The following MAGEB6 variants were observed in gnomAD, a reference collection of about 807,000 sequenced individuals.
MAGEB6 encodes melanoma-associated antigen B6.
For missense variants in MAGEB6, 327 were observed against 329.7 expected, an observed-to-expected ratio of 0.99 and a Z score of 0.06; for synonymous variants, 128 against 136.2, an observed-to-expected ratio of 0.94 and a Z score of 0.42.
intron 1 of MAGEB6, among the ~76,000 whole-genome samples, chrX:26,193,126 C>T (rs900041360): frequency 1.8e-5 from 2 of 111,207 alleles, no homozygotes; most frequent in Non-Finnish European, 3.8e-5. Flanking sequence ...TTCCTTATTT[C>T]CTCCGGGTTA....
chrX:26,193,663 A>G (rs957587996), intron 1 of MAGEB6, 123 bp from the exon 2 acceptor site: 3 of 388,569 alleles, frequency 7.7e-6, no homozygotes, highest in African/African-American at 7.6e-5. Context: ...ACCAGGAGAA[A>G]AGGAGTCCTG....
chrX:26,194,123 A>C lies in MAGEB6; in HGVS notation c.277A>C (p.Ser93Arg). Residue 93 changes from serine (S) to arginine (R), a missense_variant, in exon 2 of 2, where the codon AGT becomes CGT. Ser to Arg is a moderately radical substitution (Grantham distance 110, BLOSUM62 -1). Coordinates refer to ENST00000379034, the MANE Select transcript of MAGEB6 (RefSeq NM_173523.2). ...DVAANGQDEKSPSTSRDASVP... is the reference protein window; with the variant it reads ...DVAANGQDEKRPSTSRDASVP... ...GGCTGCCAACGGCCAAGATGAGAAA[A>C]GTCCAAGCACCTCCCGTGATGCCTC... 2 of 1,196,581 alleles carry C rather than the reference A, an allele frequency of 1.7e-6. No homozygotes were observed. The highest frequency in any genetic ancestry group is 3.6e-5 in the South Asian group (2 of 55,633).
In MAGEB6 at chrX:26,194,093, G is replaced by C. The variant is rs776261244; in HGVS notation, c.247G>C (p.Asp83His). Residue 83 changes from aspartate to histidine, a missense_variant, in exon 2 of 2, where the codon GAT becomes CAT. Physicochemically the swap from Asp to His is moderately conservative, Grantham distance 81. Transcript: ENST00000379034. ...TGCAGTTGTTTCATATTCAAAATCC[G>C]ATGTGGCTGCCAACGGCCAAGATGA... is the stretch of plus-strand genomic sequence containing the variant. ...PDAVVSYSKS[D>H]VAANGQDEKS... The C allele has an allele frequency of 2.1e-5, 25 of 1,207,981 alleles. No homozygotes were observed. In the Admixed American group the frequency reaches 3.9e-4, roughly 19 times the overall value.
rs1381141563 is a variant in MAGEB6, at chrX:26,195,534, A to C, written c.*464A>C. 1 of 126,990 alleles carries C rather than the reference A, an allele frequency of 7.9e-6. No individual in the cohort carries two copies. The highest frequency in any genetic ancestry group is 9.2e-5 in the Admixed American group (1 of 10,856). 10.5% of individuals were successfully genotyped at this position (126,990 alleles called of 1,213,427 possible). On this transcript the variant is annotated 3_prime_UTR_variant, in exon 2 of 2. Coordinates refer to ENST00000379034, the MANE Select transcript of MAGEB6 (RefSeq NM_173523.2). ...TAAAATAGTTGACATCATAATATGA[A>C]GAGAAAGAAAAGGAAAAACAGAAAT...
chrX:26,194,502 C>T lies in MAGEB6; in HGVS notation c.656C>T (p.Ala219Val), dbSNP rs754193959. Reference protein sequence around the residue: ...KFEKKESILKADMLKCVRREY... With the variant: ...KFEKKESILKVDMLKCVRREY... ...GAGAAGAAAGAGTCCATTTTGAAGG[C>T]AGACATGCTGAAGTGTGTCCGCAGA... Residue 219 changes from alanine to valine, a missense_variant, in exon 2 of 2, where the codon GCA (alanine) becomes GTA (valine). Coordinates refer to ENST00000379034, the MANE Select transcript of MAGEB6 (RefSeq NM_173523.2). 8.3e-6 allele frequency: 10 copies of T among 1,211,987 alleles called. No individual in the cohort carries two copies. Among genetic ancestry groups the T allele is most frequent in the Non-Finnish European group, 1.1e-5 (10 of 895,563 alleles).
chrX:26,194,404 T>G lies in MAGEB6; in HGVS notation c.558T>G (p.Ile186Met). Residue 186 changes from isoleucine to methionine, a missense_variant, in exon 2 of 2, where the codon ATT becomes ATG. Coordinates refer to ENST00000379034, the MANE Select transcript of MAGEB6 (RefSeq NM_173523.2). ...TAAGCGCCTCACAGAAAGCCATCAT[T>G]TTTAAGCGCTTAAGCAAAGATGCTG... is the stretch of plus-strand genomic sequence containing the variant. ...ESVSASQKAIIFKRLSKDAVK... is the reference protein window; with the variant it reads ...ESVSASQKAIMFKRLSKDAVK... 8.3e-7 allele frequency: 1 copy of G among 1,211,876 alleles called. No individual in the cohort carries two copies. Among genetic ancestry groups the G allele is most frequent in the Non-Finnish European group, 1.1e-6 (1 of 895,549 alleles).
chrX:26,194,125 TCC>T lies in MAGEB6; in HGVS notation c.280_281del (p.Pro94LysfsTer5). On this transcript the variant is annotated frameshift_variant, in exon 2 of 2. Transcript: ENST00000379034. LOFTEE classifies it low-confidence loss of function (END_TRUNC). ...VAANGQDEKS[P>X]STSRDASVPQ... ...CTGCCAACGGCCAAGATGAGAAAAG[TCC>T]AAGCACCTCCCGTGATGCCTCCGTT... 2 of 1,185,241 alleles carry T rather than the reference TCC, an allele frequency of 1.7e-6. No homozygotes were observed. Among genetic ancestry groups the T allele is most frequent in the Non-Finnish European group, 1.1e-6 (1 of 876,092 alleles).
At position 26,194,112 on chromosome X, in the gene MAGEB6, AAG is replaced by A; in HGVS notation, c.268_269del (p.Asp90Ter). 3.3e-6 allele frequency: 4 copies of A among 1,202,332 alleles called. No homozygotes were observed. On this transcript the variant is annotated frameshift_variant, in exon 2 of 2. Transcript: ENST00000379034. LOFTEE classifies it low-confidence loss of function (END_TRUNC). ...AAATCCGATGTGGCTGCCAACGGCC[AAG>A]ATGAGAAAAGTCCAAGCACCTCCCG... is the stretch of plus-strand genomic sequence containing the variant.
At position 26,194,385 on chromosome X, in the gene MAGEB6, C is replaced by G; in HGVS notation, c.539C>G (p.Ala180Gly). The change falls in exon 2 of 2, where the codon GCC becomes GGC. Residue 180 changes from alanine to glycine, a missense_variant. Transcript: ENST00000379034. ...AEGEDEESVS[A>G]SQKAIIFKRL... ...GGTGAAGATGAGGAAAGTGTAAGCG[C>G]CTCACAGAAAGCCATCATTTTTAAG... 2 of 1,211,922 alleles carry G rather than the reference C, an allele frequency of 1.7e-6. No individual in the cohort carries two copies. Among genetic ancestry groups the G allele is most frequent in the East Asian group, 3.0e-5 (1 of 33,838 alleles).
intron 1 of MAGEB6, 68 bp downstream of exon 1, chrX:26,192,595 C>CGGCT (rs1569256025): frequency 9.0e-6 from 1 of 111,490 alleles, no homozygotes; most frequent in African/African-American, 3.3e-5. Context: ...CGAAGAAAGG[C>CGGCT]GGCTCCACAG....
In MAGEB6 at chrX:26,194,492, A is replaced by G. The variant is rs1319588735; in HGVS notation, c.646A>G (p.Ile216Val). 5.8e-6 allele frequency: 7 copies of G among 1,212,184 alleles called. No individual in the cohort carries two copies. The highest frequency in any genetic ancestry group is 7.8e-6 in the Non-Finnish European group (7 of 895,637). ...GAAGAAGTTTGAGAAGAAAGAGTCC[A>G]TTTTGAAGGCAGACATGCTGAAGTG... ...LQKKFEKKES[I>V]LKADMLKCVR... Residue 216 changes from isoleucine to valine, a missense_variant, in exon 2 of 2, where the codon ATT (isoleucine) becomes GTT (valine). Transcript: ENST00000379034.
rs375654499 is a variant in MAGEB6 at position 26,194,717 on chromosome X, C to A, written c.871C>A (p.Leu291Ile). ...ALPKSGLLMS[L>I]LVVIFMNGNC... The stretch of plus-strand genomic sequence containing the variant: ...GCCGAAGTCGGGTCTCCTGATGTCG[C>A]TCCTGGTTGTGATCTTCATGAACGG... Residue 291 changes from leucine to isoleucine, a missense_variant, in exon 2 of 2, where the codon CTC (leucine) becomes ATC (isoleucine). Transcript: ENST00000379034. 1.5e-4 allele frequency: 186 copies of A among 1,209,254 alleles called. 1 individual carries two copies. The highest frequency in any genetic ancestry group is 7.0e-4 in the African/African-American group (40 of 56,933).
Position 26,194,259 on chromosome X carries a change from C to T in MAGEB6, c.413C>T (p.Thr138Ile). 8.3e-7 allele frequency: 1 copy of T among 1,208,607 alleles called. No individual in the cohort carries two copies. The highest frequency in any genetic ancestry group is 1.1e-6 in the Non-Finnish European group (1 of 894,543). Reference sequence around the variant, plus strand: ...GGCCAAGATGAGAAAAGTCCAAGCACTTCCCATGATGTCTCCGTTCCTCAG... The same window carrying T: ...GGCCAAGATGAGAAAAGTCCAAGCATTTCCCATGATGTCTCCGTTCCTCAG... ...ANGQDEKSPS[T>I]SHDVSVPQES... Residue 138 changes from threonine (T) to isoleucine (I), a missense_variant, in exon 2 of 2, where the codon ACT becomes ATT. Coordinates refer to ENST00000379034, the MANE Select transcript of MAGEB6 (RefSeq NM_173523.2).
In MAGEB6 at chrX:26,195,290, T is replaced by A; in HGVS notation, c.*220T>A. ...CTTGCAGATTTATGTTTTATCTCTG[T>A]CAGTTATCAACATTGTTCCTGTTAA... is the stretch of plus-strand genomic sequence containing the variant. On this transcript the variant is annotated 3_prime_UTR_variant, in exon 2 of 2. Transcript: ENST00000379034. 5.1e-6 allele frequency: 2 copies of A among 390,140 alleles called. No individual in the cohort carries two copies. The highest frequency in any genetic ancestry group is 9.0e-6 in the Non-Finnish European group (2 of 223,358). 32.2% of individuals were successfully genotyped at this position (390,140 alleles called of 1,213,427 possible). A position where few individuals can be genotyped will look rare whatever the true frequency, so the allele number is the denominator to read the frequency against.
At chrX:26,193,239 C>T (rs188105283) in intron 1 of MAGEB6, among the ~76,000 whole-genome samples, 37 of 109,059 alleles carry the variant, frequency 3.4e-4, no homozygotes, top group Admixed American at 1.1e-3. Flanking sequence ...TACATGTGCA[C>T]AATGTGCAGG....
chrX:26,192,796 AG>A (rs1929128271), intron 1 of MAGEB6, among the ~76,000 whole-genome samples: 1 of 111,783 alleles, frequency 8.9e-6, no homozygotes. Context: ...CTTAGAATTG[AG>A]GGAGGGGATT....
chrX:26,194,378 G>A lies in MAGEB6; in HGVS notation c.532G>A (p.Val178Ile). Reference sequence around the variant, plus strand: ...TGCCGAGGGTGAAGATGAGGAAAGTGTAAGCGCCTCACAGAAAGCCATCAT... The same window carrying A: ...TGCCGAGGGTGAAGATGAGGAAAGTATAAGCGCCTCACAGAAAGCCATCAT... ...VAAEGEDEES[V>I]SASQKAIIFK... The change falls in exon 2 of 2, where the codon GTA becomes ATA. Residue 178 changes from valine (V) to isoleucine (I), a missense_variant. Coordinates refer to ENST00000379034, the MANE Select transcript of MAGEB6 (RefSeq NM_173523.2). The A allele has an allele frequency of 8.2e-7, 1 of 1,212,199 alleles. No homozygotes were observed. Among genetic ancestry groups the A allele is most frequent in the South Asian group, 1.8e-5 (1 of 57,012 alleles).
In MAGEB6 at chrX:26,195,015, T is replaced by C. The variant is rs1398244394; in HGVS notation, c.1169T>C (p.Leu390Pro). 8.3e-7 allele frequency: 1 copy of C among 1,211,436 alleles called. No homozygotes were observed. The highest frequency in any genetic ancestry group is 2.2e-5 in the Admixed American group (1 of 45,992). Residue 390 changes from leucine (L) to proline (P), a missense_variant, in exon 2 of 2, where the codon CTG becomes CCG. By Grantham distance (98) the Leu-to-Pro change is moderately conservative. Transcript: ENST00000379034. ...ACCAGTCCCGGTTTATACCCACATC[T>C]GTATGAAGACGCTTTGATAGATGAG... ...SNTSPGLYPHLYEDALIDEVE... is the reference protein window; with the variant it reads ...SNTSPGLYPHPYEDALIDEVE...
chrX:26,194,981 A>G lies in MAGEB6; in HGVS notation c.1135A>G (p.Ser379Gly). 2 of 1,211,815 alleles carry G rather than the reference A, an allele frequency of 1.7e-6. No homozygotes were observed. Among genetic ancestry groups the G allele is most frequent in the Non-Finnish European group, 2.2e-6 (2 of 895,557 alleles). ...GAGAGTCCTGCGTGTTTTGGCCGAC[A>G]GCAGTAACACCAGTCCCGGTTTATA... ...KMRVLRVLADSSNTSPGLYPH... is the reference protein window; with the variant it reads ...KMRVLRVLADGSNTSPGLYPH... The change falls in exon 2 of 2, where the codon AGC becomes GGC. Residue 379 changes from serine to glycine, a missense_variant. Ser to Gly is a moderately conservative substitution (Grantham distance 56, BLOSUM62 0). Coordinates refer to ENST00000379034, the MANE Select transcript of MAGEB6 (RefSeq NM_173523.2).
Sources: allele counts gnomAD v4.1 joint callset (sites outside exome capture counted in the v4.1 genomes callset), GRCh38; gene constraint gnomAD v4.1.1; transcripts MANE v1.5; gene names NCBI Gene and HGNC (gene_info 2026-07-23, HGNC 2026-07-21).